Variants in FNDC3A observed in about 807,000 individuals in gnomAD.
The protein encoded by FNDC3A is fibronectin type-III domain-containing protein 3A.
FNDC3A carries 32 observed loss-of-function variants against 148.9 expected under a neutral mutation model. The ratio of observed to expected loss-of-function variants is 0.21; its 90% CI spans 0.16 to 0.29. The LOEUF (loss-of-function observed/expected upper bound fraction) is 0.29. Ranked by LOEUF, FNDC3A falls within the 10% of genes least tolerant of loss-of-function variation. The pLI is 1.00. For missense variants in FNDC3A, 1,191 were observed against 1,452.8 expected (o/e 0.82, Z 2.93); for synonymous variants, 472 against 473.6 (o/e 1.00, Z 0.04).
intron 2 of FNDC3A, among the ~76,000 whole-genome samples, chr13:49,011,258 G>A (rs1271708671): frequency 5.3e-5 from 8 of 151,426 alleles, no homozygotes; most frequent in African/African-American, 1.9e-4. Context: ...TTTTGAGACA[G>A]GGTCTCGCTC....
intron 4 of FNDC3A, among the ~76,000 whole-genome samples, chr13:49,118,447 G>A (rs1463058043): frequency 6.6e-6 from 1 of 152,184 alleles, no homozygotes; most frequent in Non-Finnish European, 1.5e-5. Flanking sequence ...CAGACACTGA[G>A]CTAGCTGCAA....
At chr13:48,995,160 C>T (rs1381041124) in intron 1 of FNDC3A, among the ~76,000 whole-genome samples, 1 of 152,184 alleles carries the variant, frequency 6.6e-6, no homozygotes, top group Non-Finnish European at 1.5e-5. Context: ...GGTGGTCCTC[C>T]TGCTTCAGCT....
intron 8 of FNDC3A, among the ~76,000 whole-genome samples, chr13:49,153,047 C>G (rs1217607447): frequency 1.3e-5 from 2 of 151,730 alleles, no homozygotes; most frequent in African/African-American, 2.4e-5. Context: ...AATGGGATGG[C>G]TGGGTCAAAT....
At chr13:49,086,294 G>A (rs1878810640) in intron 3 of FNDC3A, among the ~76,000 whole-genome samples, 1 of 152,086 alleles carries the variant, frequency 6.6e-6, no homozygotes, top group South Asian at 2.1e-4. Flanking sequence ...GCCTTTTAAG[G>A]TTCATCACAA....
chr13:49,023,177 A>G (rs1469855416), intron 2 of FNDC3A, among the ~76,000 whole-genome samples: 1 of 152,058 alleles, frequency 6.6e-6, no homozygotes, highest in Admixed American at 6.5e-5. Context: ...ACAGAGTTAC[A>G]AAGAATGCAG....
chr13:49,191,433 T>TAAAA, intron 19 of FNDC3A, 49 bp downstream of exon 19: 2 of 1,430,280 alleles, frequency 1.4e-6, no homozygotes, highest in East Asian at 2.3e-5. Flanking sequence ...TGATATATGT[T>TAAAA]TCATTTTAAC....
intron 14 of FNDC3A, among the ~76,000 whole-genome samples, chr13:49,184,048 G>A (rs921403432): frequency 6.6e-6 from 1 of 152,210 alleles, no homozygotes; most frequent in Non-Finnish European, 1.5e-5. Flanking sequence ...TGGGGTAAGA[G>A]AGAATGACTG....
At chr13:49,120,621 G>C (rs1266858438) in intron 4 of FNDC3A, among the ~76,000 whole-genome samples, 1 of 151,310 alleles carries the variant, frequency 6.6e-6, no homozygotes, top group Non-Finnish European at 1.5e-5. Flanking sequence ...ACATACATAG[G>C]CTCAAAATAA....
intron 3 of FNDC3A, among the ~76,000 whole-genome samples, chr13:49,086,973 A>G (rs1878855071): frequency 1.3e-5 from 2 of 152,158 alleles, no homozygotes; most frequent in African/African-American, 4.8e-5. Flanking sequence ...TACATTGTGT[A>G]ATAGTCTCAG....
rs150488139 is a variant in FNDC3A at position 49,118,072 on chromosome 13, T to C, written c.252+3341T>C. On this transcript the variant is annotated intron_variant, in intron 4 of 25. Transcript: ENST00000492622. ...TAATCTTAATTTAAGATGAAGATTATCTCTAGAAAATGTGTCGTTTTCATT... is the reference window on the plus strand; with the variant it reads ...TAATCTTAATTTAAGATGAAGATTACCTCTAGAAAATGTGTCGTTTTCATT... Among the ~76,000 whole-genome samples the C allele has an allele frequency of 3.5e-3, 531 of 152,350 alleles. 2 individuals carry two copies. The highest frequency in any genetic ancestry group is 5.7e-3 in the Non-Finnish European group (385 of 68,036).
chr13:49,011,343 C>G lies in FNDC3A; in HGVS notation c.99+5054C>G, dbSNP rs560654033. 1.3e-4 allele frequency among the ~76,000 whole-genome samples: 20 copies of G among 152,160 alleles called. No homozygotes were observed. The East Asian group carries it at 3.9e-3, about 29-fold the overall frequency. On this transcript the variant is annotated intron_variant, in intron 2 of 25. Transcript: ENST00000492622. ...CCGCCTCCCAGGTTCAAGTGATTCT[C>G]CTGCCTCAGCCTCCCAAGTGGCGGA...
chr13:49,175,276 C>G, intron 12 of FNDC3A, 91 bp from the exon 13 acceptor site: 1 of 841,636 alleles, frequency 1.2e-6, no homozygotes, highest in Non-Finnish European at 1.7e-6. Flanking sequence ...CAAAACTTGT[C>G]ATTTTCCAAA....
At chr13:49,004,535 A>G (rs1467366604) in intron 1 of FNDC3A, among the ~76,000 whole-genome samples, 2 of 152,028 alleles carry the variant, frequency 1.3e-5, no homozygotes, top group Non-Finnish European at 2.9e-5. Context: ...CCCAGTCTCT[A>G]ATAGCACTAG....
chr13:49,107,978 G>C (rs980545739), intron 3 of FNDC3A, among the ~76,000 whole-genome samples: 1 of 152,154 alleles, frequency 6.6e-6, no homozygotes, highest in Admixed American at 6.5e-5. Flanking sequence ...ATCAGGCTAT[G>C]AAGGCAGTGT....
intron 1 of FNDC3A, among the ~76,000 whole-genome samples, chr13:48,997,898 A>AT (rs1422603513): frequency 6.6e-6 from 1 of 151,452 alleles, no homozygotes; most frequent in African/African-American, 2.4e-5. Flanking sequence ...AGGTGTGTGC[A>AT]TTAAAAAAAA....
At chr13:49,136,280 A>G in intron 5 of FNDC3A, 52 bp from the exon 6 acceptor site, 1 of 1,468,076 alleles carries the variant, frequency 6.8e-7, no homozygotes. Flanking sequence ...CATGGCATAA[A>G]CTTATTTGGA....
At chr13:49,034,648 A>C (rs1408759498) in intron 2 of FNDC3A, among the ~76,000 whole-genome samples, 1 of 152,068 alleles carries the variant, frequency 6.6e-6, no homozygotes, top group African/African-American at 2.4e-5. Context: ...TATGTAAGAA[A>C]ACTTATTCTG....
chr13:49,089,251 C>T (rs1879031069), intron 3 of FNDC3A, among the ~76,000 whole-genome samples: 1 of 152,048 alleles, frequency 6.6e-6, no homozygotes. Flanking sequence ...TATCAAAAAC[C>T]ATTTTTAAAG....
At chr13:48,994,920 A>C (rs1292232957) in intron 1 of FNDC3A, among the ~76,000 whole-genome samples, 1 of 152,220 alleles carries the variant, frequency 6.6e-6, no homozygotes, top group South Asian at 2.1e-4. Context: ...GGGGTTCATT[A>C]TACTATTATG....
Sources: allele counts gnomAD v4.1 joint callset (sites outside exome capture counted in the v4.1 genomes callset), GRCh38; gene constraint gnomAD v4.1.1; transcripts MANE v1.5; gene names NCBI Gene and HGNC (gene_info 2026-07-23, HGNC 2026-07-21).